Variants in DYNC2H1 observed in about 807,000 individuals in gnomAD.
DYNC2H1 encodes cytoplasmic dynein 2 heavy chain 1.
Under a neutral mutation model 570.0 loss-of-function variants are expected in DYNC2H1, and 410 were observed. That is an observed-to-expected ratio of 0.72 (90% CI 0.66 to 0.78). DYNC2H1 has a LOEUF of 0.78. Ranked by LOEUF, DYNC2H1 falls within the 30% of genes least tolerant of loss-of-function variation. The probability of loss-of-function intolerance (pLI) is 0.00; values close to 1 mark genes in which losing one functional copy is unlikely to be tolerated. For missense variants in DYNC2H1, 4,865 were observed against 5,046.4 expected (o/e 0.96, Z 1.09); for synonymous variants, 1,688 against 1,677.6 (o/e 1.01, Z -0.15).
At chr11:103,441,787 G>A (rs1944278693) in intron 85 of DYNC2H1, among the ~76,000 whole-genome samples, 1 of 151,980 alleles carries the variant, frequency 6.6e-6, no homozygotes. Flanking sequence ...ATCATTTGAA[G>A]TGTTTTATTT....
At chr11:103,414,502 C>T (rs1943206267) in intron 84 of DYNC2H1, among the ~76,000 whole-genome samples, 1 of 152,008 alleles carries the variant, frequency 6.6e-6, no homozygotes. Flanking sequence ...GCCTGTAATC[C>T]CAGCTACTCG....
intron 84 of DYNC2H1, among the ~76,000 whole-genome samples, chr11:103,426,275 T>C (rs904565950): frequency 1.1e-4 from 17 of 152,192 alleles, no homozygotes; most frequent in Non-Finnish European, 2.2e-4. Flanking sequence ...TAAAACTCTG[T>C]TCGAGGCTCT....
intron 87 of DYNC2H1, among the ~76,000 whole-genome samples, chr11:103,458,698 C>G (rs2135815880): frequency 1.3e-5 from 2 of 152,126 alleles, no homozygotes; most frequent in South Asian, 4.2e-4. Context: ...TTTACAATAA[C>G]AGGTAATCAT....
intron 47 of DYNC2H1, among the ~76,000 whole-genome samples, chr11:103,193,849 T>G (rs1018152982): frequency 5.3e-5 from 8 of 152,072 alleles, no homozygotes; most frequent in African/African-American, 1.9e-4. Context: ...CCCAGCCAGA[T>G]TTTCTTTTTT....
At chr11:103,307,854 T>C in intron 78 of DYNC2H1, 23 bp downstream of exon 78, 3 of 1,420,010 alleles carry the variant, frequency 2.1e-6, no homozygotes, top group Non-Finnish European at 2.9e-6. Flanking sequence ...AAAACTTGGA[T>C]CACCAGTTGT....
At chr11:103,167,120 C>G (rs1861352975) in intron 31 of DYNC2H1, among the ~76,000 whole-genome samples, 1 of 147,216 alleles carries the variant, frequency 6.8e-6, no homozygotes, top group Non-Finnish European at 1.5e-5. Flanking sequence ...CAGTGATTTT[C>G]AAAGAATTTT....
At chr11:103,282,911 A>G in intron 72 of DYNC2H1, 97 bp from the exon 73 acceptor site, 1 of 876,866 alleles carries the variant, frequency 1.1e-6, no homozygotes, top group South Asian at 1.8e-5. Context: ...GCATAGAATG[A>G]ATTTTTTTCA....
chr11:103,388,074 A>C (rs1051584492), intron 83 of DYNC2H1, among the ~76,000 whole-genome samples: 1 of 152,134 alleles, frequency 6.6e-6, no homozygotes, highest in Non-Finnish European at 1.5e-5. Flanking sequence ...ATGGCATTGA[A>C]TCTATAAATT....
In DYNC2H1 at chr11:103,126,846, G is replaced by A. The variant is rs1859028752; in HGVS notation, c.1857+1551G>A. On this transcript the variant is annotated intron_variant, in intron 12 of 88. Transcript: ENST00000375735. ...GTAGAGATAGAGTTTCACCATGTTA[G>A]CCAGGATGGTCTCAATCTCCTGACC... Among the ~76,000 whole-genome samples the A allele has an allele frequency of 2.0e-5, 3 of 152,110 alleles. No homozygotes were observed. In the South Asian group the frequency reaches 6.2e-4, roughly 31 times the overall value.
chr11:103,408,786 C>A (rs1229738443), intron 84 of DYNC2H1, among the ~76,000 whole-genome samples: 1 of 152,026 alleles, frequency 6.6e-6, no homozygotes, highest in African/African-American at 2.4e-5. Context: ...TATATGTTAA[C>A]TCGCTTAGAC....
intron 47 of DYNC2H1, among the ~76,000 whole-genome samples, chr11:103,192,881 A>C (rs1407131084): frequency 6.6e-6 from 1 of 152,224 alleles, no homozygotes; most frequent in East Asian, 1.9e-4. Context: ...ATATTTCCTA[A>C]TAAAACTGCT....
chr11:103,253,202 G>A (rs1190168464), intron 65 of DYNC2H1, 83 bp from the exon 66 acceptor site: 1 of 1,370,812 alleles, frequency 7.3e-7, no homozygotes, highest in Non-Finnish European at 9.8e-7. Flanking sequence ...ATATTTAGAA[G>A]TACTTAAAAA....
At position 103,179,081 on chromosome 11, in the gene DYNC2H1, T is replaced by C. The variant is rs1053529979; in HGVS notation, c.6195T>C (p.Ser2065=). 4 of 1,612,794 alleles carry C rather than the reference T, an allele frequency of 2.5e-6. No individual in the cohort carries two copies. Among genetic ancestry groups the C allele is most frequent in the African/African-American group, 2.7e-5 (2 of 74,992 alleles). Residue 2065 remains serine, a synonymous_variant, in exon 39 of 89, where the codon TCT becomes TCC. Transcript: ENST00000375735. ...ATATTGACCCTGAATGGATAGAATC[T>C]CTGAATTCTGTTCTGGATGATAATC... ...DGDIDPEWIE[S]LNSVLDDNRL...
At chr11:103,451,652 C>A (rs1053937207) in intron 85 of DYNC2H1, among the ~76,000 whole-genome samples, 23 of 152,072 alleles carry the variant, frequency 1.5e-4, no homozygotes, top group African/African-American at 5.5e-4. Flanking sequence ...ATTTTTAAAG[C>A]CTTGACACAT....
intron 11 of DYNC2H1, among the ~76,000 whole-genome samples, 170 bp from the exon 12 acceptor site, chr11:103,124,930 T>C (rs1052974899): frequency 1.3e-5 from 2 of 152,174 alleles, no homozygotes; most frequent in East Asian, 1.9e-4. Flanking sequence ...AAAATCTGAA[T>C]TGTGAAATAA....
At chr11:103,415,562 CTGGTCA>C (rs1943252798) in intron 84 of DYNC2H1, among the ~76,000 whole-genome samples, 1 of 152,186 alleles carries the variant, frequency 6.6e-6, no homozygotes, top group Non-Finnish European at 1.5e-5. Flanking sequence ...CTCATCATCA[CTGGTCA>C]TCAGAGAAAT....
intron 46 of DYNC2H1, 147 bp from the exon 47 acceptor site, chr11:103,191,950 A>C: frequency 1.8e-6 from 1 of 565,732 alleles, no homozygotes; most frequent in Non-Finnish European, 2.8e-6. Context: ...TATTAACAAA[A>C]TGAATTTTAA....
Position 103,133,609 on chromosome 11 carries a change from G to T in DYNC2H1, c.2008G>T (p.Glu670Ter), listed in dbSNP as rs750682546. ...KSQITWDNPK[E>*]LEGYIQKLQN... is the part of the protein sequence containing the mutation. ...ACAGATAACTTGGGATAATCCTAAAGAATTAGAAGGCTATATCCAAAAACT... is the reference window on the plus strand; with the variant it reads ...ACAGATAACTTGGGATAATCCTAAATAATTAGAAGGCTATATCCAAAAACT... The change falls in exon 14 of 89, where the codon GAA becomes TAA. Residue 670 changes from glutamate to a stop codon, truncating the protein, a stop_gained. Coordinates refer to ENST00000375735, the MANE Select transcript of DYNC2H1 (RefSeq NM_001377.3). LOFTEE classifies it high-confidence loss of function. This position sits in a 1 kb window ranked among gnomAD's most constrained non-coding sequence, Gnocchi z 4.8. The T allele has an allele frequency of 6.2e-7, 1 of 1,612,008 alleles. No homozygotes were observed. The highest frequency in any genetic ancestry group is 8.5e-7 in the Non-Finnish European group (1 of 1,179,398).
At chr11:103,368,914 T>TAGA (rs1443261534) in intron 83 of DYNC2H1, among the ~76,000 whole-genome samples, 16 of 152,172 alleles carry the variant, frequency 1.1e-4, no homozygotes, top group Non-Finnish European at 1.2e-4. Flanking sequence ...GATGGCAGAA[T>TAGA]AGAAGGCTCC....
Sources: gnomAD v4.1 joint callset for allele counts (sites outside exome capture counted in the v4.1 genomes callset) on GRCh38, gnomAD v4.1.1 for gene constraint, Gnocchi (gnomAD v3.1) non-coding constraint, MANE v1.5 for transcripts, NCBI Gene and HGNC (gene_info 2026-07-23, HGNC 2026-07-21) for gene names.